Variants in LHFPL2 observed in about 807,000 individuals in gnomAD.
The protein encoded by LHFPL2 is LHFPL tetraspan subfamily member 2.
Under a neutral mutation model 17.5 loss-of-function variants are expected in LHFPL2, and 7 were observed. That is an observed-to-expected ratio of 0.40 (90% CI 0.23 to 0.75). The LOEUF is 0.75. Among genes scored for constraint, LHFPL2 ranks in the 30% least tolerant of loss-of-function variants. The probability of loss-of-function intolerance (pLI) is 0.37; values close to 1 mark genes in which losing one functional copy is unlikely to be tolerated. For missense variants in LHFPL2, 241 were observed against 294.8 expected, an observed-to-expected ratio of 0.82 and a Z score of 1.34; for synonymous variants, 134 against 116.2, an observed-to-expected ratio of 1.15 and a Z score of -0.99.
At chr5:78,534,472 C>A (rs1027123379) in intron 3 of LHFPL2, among the ~76,000 whole-genome samples, 1 of 152,230 alleles carries the variant, frequency 6.6e-6, no homozygotes, top group African/African-American at 2.4e-5. Flanking sequence ...TCACAGCACC[C>A]GTGTCTATGA....
intron 1 of LHFPL2, among the ~76,000 whole-genome samples, chr5:78,633,199 C>G (rs1484070712): frequency 2.0e-5 from 3 of 152,316 alleles, no homozygotes; most frequent in East Asian, 1.9e-4. Context: ...ACATCCTGGT[C>G]GGTTGTGAGA....
rs1264803393 is a variant in LHFPL2, at chr5:78,632,326, C to T, written c.-307G>A. ...GGTGCTTCTTAACAAAATGCAGAAA[C>T]CATAGGCCAGCTGTCAACTCAAGAG... On this transcript the variant is annotated 5_prime_UTR_variant, in exon 2 of 5. Transcript: ENST00000380345. The T allele has an allele frequency of 6.6e-6, 1 of 152,220 alleles. No homozygotes were observed. Among genetic ancestry groups the T allele is most frequent in the Non-Finnish European group, 1.5e-5 (1 of 68,062 alleles). 9.4% of individuals were successfully genotyped at this position (152,220 alleles called of 1,614,324 possible).
intron 3 of LHFPL2, among the ~76,000 whole-genome samples, chr5:78,545,641 T>C (rs1481631084): frequency 2.6e-5 from 4 of 152,222 alleles, no homozygotes; most frequent in Non-Finnish European, 5.9e-5. Flanking sequence ...TCGAGCCACC[T>C]GGATGTGCTG....
chr5:78,601,985 A>T (rs1744034584), intron 2 of LHFPL2, among the ~76,000 whole-genome samples: 1 of 152,222 alleles, frequency 6.6e-6, no homozygotes, highest in South Asian at 2.1e-4. Context: ...AGACTTTTAA[A>T]AAACTGTATT....
At chr5:78,587,400 T>C (rs971059039) in intron 2 of LHFPL2, among the ~76,000 whole-genome samples, 1 of 152,214 alleles carries the variant, frequency 6.6e-6, no homozygotes, top group Non-Finnish European at 1.5e-5. Flanking sequence ...GAAGAAATGA[T>C]ACAGCAGAAA....
chr5:78,489,167 G>A lies in LHFPL2; in HGVS notation c.431-14C>T, dbSNP rs371472748. The A allele has an allele frequency of 7.0e-5, 113 of 1,613,072 alleles. No individual in the cohort carries two copies. The highest frequency in any genetic ancestry group is 6.5e-4 in the South Asian group (59 of 91,030). On this transcript the variant is annotated splice_polypyrimidine_tract_variant and intron_variant, in intron 4 of 4. Transcript: ENST00000380345. ...TAAGGAATAGACCTGCAGAACAAAA[G>A]AGAAAACAGATTAGAAAATCCCCAT...
chr5:78,584,989 C>T (rs1351146743), intron 2 of LHFPL2, among the ~76,000 whole-genome samples: 82 of 102,408 alleles, frequency 8.0e-4, no homozygotes, highest in African/African-American at 2.6e-3. Context: ...TCTCCTGGTG[C>T]GCTGTGTTTT....
rs78021617 is a variant in LHFPL2 at position 78,554,901 on chromosome 5, A to C, written c.-186+9912T>G. On this transcript the variant is annotated intron_variant, in intron 3 of 4. Coordinates refer to ENST00000380345, the MANE Select transcript of LHFPL2 (RefSeq NM_005779.3). ...CATATTTCCAATAAGCCCTAAAAAA[A>C]CTTACCCCTGGGGAAGGATATTTTG... Among the ~76,000 whole-genome samples the C allele has an allele frequency of 9.5e-3, 1,448 of 152,316 alleles. 27 individuals are homozygous for C. The highest frequency in any genetic ancestry group is 0.033 in the African/African-American group (1,356 of 41,574).
At chr5:78,494,479 T>C in intron 4 of LHFPL2, 1 of 985,402 alleles carries the variant, frequency 1.0e-6, no homozygotes, top group African/African-American at 1.7e-5. Context: ...CCAAGGAGGT[T>C]AGAAGACGTT....
chr5:78,510,109 G>C lies in LHFPL2; in HGVS notation c.105C>G (p.Ile35Met), dbSNP rs761882600. 1.9e-6 allele frequency: 3 copies of C among 1,613,062 alleles called. No homozygotes were observed. The highest frequency in any genetic ancestry group is 3.3e-5 in the Admixed American group (2 of 59,956). The change falls in exon 4 of 5, where the codon ATC becomes ATG. Residue 35 changes from isoleucine (I) to methionine (M), a missense_variant. Coordinates refer to ENST00000380345, the MANE Select transcript of LHFPL2 (RefSeq NM_005779.3). ...CGCCGCCGCGGCTCCTCGCTTTCCC[G>C]ATCAGCCAGTCTGCACTCATGAAGG... is the stretch of plus-strand genomic sequence containing the variant. ...LIAFMSADWL[I>M]GKARSRGGVE...
rs761882600 is a variant in LHFPL2, at chr5:78,510,109, G to A, written c.105C>T (p.Ile35=). 6.2e-7 allele frequency: 1 copy of A among 1,613,180 alleles called. No individual in the cohort carries two copies. Among genetic ancestry groups the A allele is most frequent in the Non-Finnish European group, 8.5e-7 (1 of 1,179,574 alleles). The stretch of plus-strand genomic sequence containing the variant: ...CGCCGCCGCGGCTCCTCGCTTTCCC[G>A]ATCAGCCAGTCTGCACTCATGAAGG... The part of the protein sequence containing the change: ...LIAFMSADWL[I]GKARSRGGVE... Residue 35 remains isoleucine (I), a synonymous_variant, in exon 4 of 5, where the codon ATC becomes ATT. Coordinates refer to ENST00000380345, the MANE Select transcript of LHFPL2 (RefSeq NM_005779.3).
At chr5:78,637,751 A>G (rs1745506437) in intron 1 of LHFPL2, among the ~76,000 whole-genome samples, 1 of 152,178 alleles carries the variant, frequency 6.6e-6, no homozygotes, top group Admixed American at 6.5e-5. Flanking sequence ...CATCACGGAG[A>G]GAGCTTGTTA....
intron 3 of LHFPL2, among the ~76,000 whole-genome samples, chr5:78,511,829 T>G (rs989975855): frequency 1.3e-5 from 2 of 152,194 alleles, no homozygotes; most frequent in African/African-American, 4.8e-5. Flanking sequence ...ACACAGCTAG[T>G]GCACTACTAG....
chr5:78,545,432 A>G (rs1486118230), intron 3 of LHFPL2, among the ~76,000 whole-genome samples: 1 of 152,202 alleles, frequency 6.6e-6, no homozygotes, highest in Non-Finnish European at 1.5e-5. Context: ...AACATTTTTA[A>G]GCCACCAAGG....
At chr5:78,564,911 C>T (rs1756819462) in intron 2 of LHFPL2, 40 bp from the exon 3 acceptor site, 1 of 152,162 alleles carries the variant, frequency 6.6e-6, no homozygotes. Flanking sequence ...ATTTTAAAAA[C>T]ACATACACAC....
chr5:78,560,896 A>G (rs1186533786), intron 3 of LHFPL2, among the ~76,000 whole-genome samples: 1 of 152,212 alleles, frequency 6.6e-6, no homozygotes, highest in Non-Finnish European at 1.5e-5. Flanking sequence ...CTAGAACAGC[A>G]CTGTGCAATA....
At position 78,633,006 on chromosome 5, in the gene LHFPL2, A is replaced by G. The variant is rs1311701851; in HGVS notation, c.-349-638T>C. ...GAAAGAAGTTGGTGCCCACTGAAGC[A>G]TTTCAGGTCACAAGAGGCCTTCTTG... is the stretch of plus-strand genomic sequence containing the variant. On this transcript the variant is annotated intron_variant, in intron 1 of 4. Transcript: ENST00000380345. Among the ~76,000 whole-genome samples the G allele has an allele frequency of 2.0e-5, 3 of 152,208 alleles. No individual in the cohort carries two copies. In the East Asian group the frequency reaches 5.8e-4, roughly 29 times the overall value.
chr5:78,634,292 C>T (rs1448801717), intron 1 of LHFPL2, among the ~76,000 whole-genome samples: 1 of 152,190 alleles, frequency 6.6e-6, no homozygotes, highest in Non-Finnish European at 1.5e-5. Context: ...CCAGGGCCTG[C>T]CCCCAACACC....
chr5:78,541,167 C>T (rs1442163479), intron 3 of LHFPL2, among the ~76,000 whole-genome samples: 3 of 152,174 alleles, frequency 2.0e-5, no homozygotes, highest in Non-Finnish European at 4.4e-5. Context: ...CATCCATCAC[C>T]GCCACTTCAC....
Sources: gnomAD v4.1 joint callset for allele counts (sites outside exome capture counted in the v4.1 genomes callset) on GRCh38, gnomAD v4.1.1 for gene constraint, MANE v1.5 for transcripts, NCBI Gene and HGNC (gene_info 2026-07-23, HGNC 2026-07-21) for gene names.